The following ATRX variants were observed in gnomAD, a reference collection of about 807,000 sequenced individuals.
ATRX encodes the protein ATRX chromatin remodeler.
Under a neutral mutation model 172.6 loss-of-function variants are expected in ATRX, and 12 were observed. The ratio of observed to expected loss-of-function variants is 0.07; its 90% CI spans 0.04 to 0.11. ATRX has a LOEUF of 0.11. ATRX is among the 10% of genes least tolerant of loss of function. The probability of loss-of-function intolerance (pLI) is 1.00; values close to 1 mark genes in which losing one functional copy is unlikely to be tolerated. For missense variants in ATRX, 1,368 were observed against 1,767.4 expected, an observed-to-expected ratio of 0.77 and a Z score of 4.05; for synonymous variants, 674 against 594.7, an observed-to-expected ratio of 1.13 and a Z score of -1.94.
At chrX:77,731,362 G>T (rs2082233935) in intron 1 of ATRX, among the ~76,000 whole-genome samples, 1 of 111,509 alleles carries the variant, frequency 9.0e-6, no homozygotes, top group Non-Finnish European at 1.9e-5. Context: ...GTAAATAAAA[G>T]CCTGGGACCT....
At chrX:77,515,114 G>T (rs1329726778) in intron 34 of ATRX, among the ~76,000 whole-genome samples, 1 of 111,705 alleles carries the variant, frequency 9.0e-6, no homozygotes, top group African/African-American at 3.3e-5. Context: ...TGCTGGTGAG[G>T]TTGTAGAGAA....
intron 1 of ATRX, among the ~76,000 whole-genome samples, chrX:77,745,362 TAAAG>T (rs1477393577): frequency 1.8e-5 from 2 of 110,181 alleles, no homozygotes; most frequent in Non-Finnish European, 3.8e-5. Flanking sequence ...GACGGACGAA[TAAAG>T]AAAATGTGTT....
intron 1 of ATRX, among the ~76,000 whole-genome samples, chrX:77,732,105 A>AC (rs1270456287): frequency 1.8e-5 from 2 of 111,210 alleles, no homozygotes; most frequent in East Asian, 5.7e-4. Context: ...CACAGACACC[A>AC]CCCCCCTCCC....
intron 30 of ATRX, among the ~76,000 whole-genome samples, chrX:77,536,968 C>T: frequency 8.9e-6 from 1 of 112,020 alleles, no homozygotes; most frequent in East Asian, 2.8e-4. Flanking sequence ...CTCTCTGCAA[C>T]GATGGAAATG....
At chrX:77,567,848 T>C (rs782676941) in intron 28 of ATRX, among the ~76,000 whole-genome samples, 11 of 111,359 alleles carry the variant, frequency 9.9e-5, no homozygotes, top group Admixed American at 9.6e-4. Context: ...ACAGATTATA[T>C]TTCCTGAACA....
intron 15 of ATRX, among the ~76,000 whole-genome samples, chrX:77,640,689 G>A (rs782310232): frequency 1.8e-5 from 2 of 111,108 alleles, no homozygotes; most frequent in Non-Finnish European, 3.8e-5. Context: ...CCCTTGAATT[G>A]GTGCCTGAAG....
At chrX:77,779,091 ATT>A (rs1169146207) in intron 1 of ATRX, among the ~76,000 whole-genome samples, 67 of 62,743 alleles carry the variant, frequency 1.1e-3, no homozygotes, top group African/African-American at 4.0e-3. Context: ...CCATGCCCGG[ATT>A]TTTTTTTTTT....
intron 28 of ATRX, among the ~76,000 whole-genome samples, chrX:77,561,926 A>G (rs1257022721): frequency 9.0e-6 from 1 of 111,618 alleles, no homozygotes; most frequent in African/African-American, 3.3e-5. Flanking sequence ...ACAAAATTTT[A>G]TCATGCATGT....
chrX:77,730,375 C>T (rs1395752583), intron 1 of ATRX, among the ~76,000 whole-genome samples: 3 of 111,538 alleles, frequency 2.7e-5, no homozygotes, highest in Non-Finnish European at 5.6e-5. Context: ...AGAGACAGGC[C>T]CCAATATGAT....
intron 17 of ATRX, 143 bp from the exon 18 acceptor site, chrX:77,633,855 G>C: frequency 1.7e-6 from 1 of 600,298 alleles, no homozygotes; most frequent in Non-Finnish European, 2.6e-6. Context: ...CAGGGAAAGA[G>C]ATAGTAAAAT....
intron 1 of ATRX, among the ~76,000 whole-genome samples, chrX:77,724,138 C>T (rs1271434027): frequency 4.5e-5 from 5 of 110,033 alleles, no homozygotes; most frequent in African/African-American, 1.7e-4. Flanking sequence ...ATTAGCCGGG[C>T]CTGGTGGTGC....
At chrX:77,634,544 T>A in intron 17 of ATRX, 50 bp downstream of exon 17, 1 of 1,007,473 alleles carries the variant, frequency 9.9e-7, no homozygotes, top group Non-Finnish European at 1.4e-6. Flanking sequence ...ATCCAATATA[T>A]ATTAATGAAT....
At chrX:77,738,650 G>A (rs893109592) in intron 1 of ATRX, among the ~76,000 whole-genome samples, 2 of 91,849 alleles carry the variant, frequency 2.2e-5, no homozygotes, top group South Asian at 6.3e-4. Context: ...TGCAACCTCC[G>A]CCTCCCAGGT....
At chrX:77,539,135 C>T (rs782143999) in intron 30 of ATRX, among the ~76,000 whole-genome samples, 7 of 110,119 alleles carry the variant, frequency 6.4e-5, no homozygotes, top group Non-Finnish European at 1.3e-4. Flanking sequence ...CCTCGTGATC[C>T]GCCTGCCTCG....
In ATRX at chrX:77,681,997, A is replaced by G. The variant is rs2148577781; in HGVS notation, c.3259T>C (p.Tyr1087His). ...SEDKKSKNGA[Y>H]GREKKRCKLL... ...TTGCACCTTTTCTTCTCTCTACCAT[A>G]TGCTCCATTCTTACTCTTTTTATCC... is the stretch of plus-strand genomic sequence containing the variant. Residue 1087 changes from tyrosine to histidine, a missense_variant, in exon 9 of 35, where the codon TAT (tyrosine) becomes CAT (histidine). Tyr to His is a moderately conservative substitution (Grantham distance 83). Coordinates refer to ENST00000373344, the MANE Select transcript of ATRX (RefSeq NM_000489.6). 8.3e-7 allele frequency: 1 copy of G among 1,210,095 alleles called. No homozygotes were observed. The highest frequency in any genetic ancestry group is 1.1e-6 in the Non-Finnish European group (1 of 894,589).
At chrX:77,637,939 C>CAAAAAAAAAAAA (rs373944111) in intron 15 of ATRX, among the ~76,000 whole-genome samples, 2 of 42,863 alleles carry the variant, frequency 4.7e-5, no homozygotes, top group Non-Finnish European at 7.9e-5. Context: ...AGCTCCATCT[C>CAAAAAAAAAAAA]AAAAAAAAAA....
intron 1 of ATRX, among the ~76,000 whole-genome samples, chrX:77,743,277 C>T (rs782052998): frequency 9.0e-6 from 1 of 111,141 alleles, no homozygotes; most frequent in East Asian, 2.8e-4. Context: ...AGGAACACAA[C>T]TCACTCCTGG....
chrX:77,641,019 C>T (rs1212962594), intron 15 of ATRX, among the ~76,000 whole-genome samples: 2 of 111,237 alleles, frequency 1.8e-5, no homozygotes, highest in East Asian at 5.6e-4. Context: ...TAACCCAGGG[C>T]ATTCAGTAGA....
At position 77,505,701 on chromosome X, in the gene ATRX, T is replaced by A; in HGVS notation, c.*2650A>T. The A allele has an allele frequency of 5.7e-6, 1 of 174,211 alleles. No homozygotes were observed. The highest frequency in any genetic ancestry group is 1.1e-5 in the Non-Finnish European group (1 of 90,444). The allele number at this position is 174,211 out of a possible 1,213,427, so 14.4% of individuals were successfully genotyped here. ...GATTTTCAAAGCTGTGAAAATACAA[T>A]AAAGAGCACAACACATTTTGGTCAC... On this transcript the variant is annotated 3_prime_UTR_variant, in exon 35 of 35. Transcript: ENST00000373344.
Sources: gnomAD v4.1 joint callset for allele counts (sites outside exome capture counted in the v4.1 genomes callset) on GRCh38, gnomAD v4.1.1 for gene constraint, MANE v1.5 for transcripts, NCBI Gene and HGNC (gene_info 2026-07-23, HGNC 2026-07-21) for gene names.